PPP2R1A: variants seen among roughly 807,000 people sequenced by gnomAD.
The protein encoded by PPP2R1A is protein phosphatase 2 scaffold subunit Aalpha.
PPP2R1A carries 15 observed loss-of-function variants against 67.1 expected under a neutral mutation model. That is an observed-to-expected ratio of 0.22 (90% CI 0.15 to 0.34). PPP2R1A has a LOEUF of 0.34. PPP2R1A is among the 10% of genes least tolerant of loss of function. The probability of loss-of-function intolerance (pLI) is 1.00; values close to 1 mark genes in which losing one functional copy is unlikely to be tolerated. For missense variants in PPP2R1A, 369 were observed against 775.0 expected, an observed-to-expected ratio of 0.48 and a Z score of 6.22; for synonymous variants, 337 against 325.0, an observed-to-expected ratio of 1.04 and a Z score of -0.40.
chr19:52,204,658 A>G (rs577383811), intron 2 of PPP2R1A, among the ~76,000 whole-genome samples: 4 of 152,316 alleles, frequency 2.6e-5, no homozygotes, highest in African/African-American at 9.6e-5. Context: ...CAGGAGACAA[A>G]GAAAACAGGG....
chr19:52,222,003 C>T, intron 12 of PPP2R1A, 96 bp from the exon 13 acceptor site: 2 of 1,294,226 alleles, frequency 1.5e-6, no homozygotes, highest in Admixed American at 2.4e-5. Flanking sequence ...CTCTGTGGGG[C>T]CTGATGATCA....
In PPP2R1A at chr19:52,212,645, A is replaced by G. The variant is rs373544187; in HGVS notation, c.504-41A>G. On this transcript the variant is annotated intron_variant, in intron 4 of 14. Coordinates refer to ENST00000322088, the MANE Select transcript of PPP2R1A (RefSeq NM_014225.6). This position sits in a 1 kb window ranked among gnomAD's most constrained non-coding sequence, Gnocchi z 4.1. ...GAGTCTGTGCTTGCTCCTCTCTGCC[A>G]TACTGCCTGCTGCCTCAGGATCCCC... The G allele has an allele frequency of 1.4e-5, 23 of 1,603,612 alleles. No individual in the cohort carries two copies. The African/African-American group carries it at 2.5e-4, about 18-fold the overall frequency.
rs994018938 is a variant in PPP2R1A, at chr19:52,190,235, C to G, written c.78+61C>G. The stretch of plus-strand genomic sequence containing the variant: ...AGGGGTACCTGGGGGCACGGGCGGC[C>G]CTCGCGGAGAAGACTCAGCGTTCGC... On this transcript the variant is annotated intron_variant, in intron 1 of 14. Coordinates refer to ENST00000322088, the MANE Select transcript of PPP2R1A (RefSeq NM_014225.6). 5 of 1,521,628 alleles carry G rather than the reference C, an allele frequency of 3.3e-6. No homozygotes were observed. In the African/African-American group the frequency reaches 7.0e-5, roughly 21 times the overall value. The allele number at this position is 1,521,628 out of a possible 1,614,324, so 94.3% of individuals were successfully genotyped here.
chr19:52,209,266 T>A (rs1456468974), intron 3 of PPP2R1A, among the ~76,000 whole-genome samples: 1 of 150,544 alleles, frequency 6.6e-6, no homozygotes, highest in Non-Finnish European at 1.5e-5. Flanking sequence ...GTACCTTCTC[T>A]GTGCCAGCCC....
At chr19:52,200,794 A>C (rs1232030126) in intron 1 of PPP2R1A, among the ~76,000 whole-genome samples, 2 of 149,522 alleles carry the variant, frequency 1.3e-5, no homozygotes, top group Non-Finnish European at 3.0e-5. Flanking sequence ...ACCCATCTTC[A>C]CATGCGTGCC....
Position 52,219,919 on chromosome 19 carries a change from G to T in PPP2R1A, c.1302+55G>T. 6.4e-7 allele frequency: 1 copy of T among 1,550,924 alleles called. No homozygotes were observed. Among genetic ancestry groups the T allele is most frequent in the Non-Finnish European group, 8.7e-7 (1 of 1,148,870 alleles). On this transcript the variant is annotated intron_variant, in intron 10 of 14. Coordinates refer to ENST00000322088, the MANE Select transcript of PPP2R1A (RefSeq NM_014225.6). The surrounding 1 kb of genome is among the most constrained non-coding windows in gnomAD (Gnocchi z 4.0). ...TGCTGCCTCAGGGGAGGTGCAGTAT[G>T]TCCAGGGCTGTGATGGGGAAACGGG...
At position 52,190,068 on chromosome 19, in the gene PPP2R1A, C is replaced by G. The variant is rs750734856; in HGVS notation, c.-29C>G. 37 of 1,526,326 alleles carry G rather than the reference C, an allele frequency of 2.4e-5. 2 individuals are homozygous for G. In the South Asian group the frequency reaches 4.0e-4, roughly 16 times the overall value. The allele number at this position is 1,526,326 out of a possible 1,614,324, so 94.5% of individuals were successfully genotyped here. On this transcript the variant is annotated 5_prime_UTR_variant, in exon 1 of 15. Transcript: ENST00000322088. Reference sequence around the variant, plus strand: ...CCACGTTTCAGCACAGCGCTGGCCGCAGTCTGACAGGAAAGGGACGGAGCC... The same window carrying G: ...CCACGTTTCAGCACAGCGCTGGCCGGAGTCTGACAGGAAAGGGACGGAGCC...
rs2122337155 is a variant in PPP2R1A, at chr19:52,212,935, T to C, written c.652-20T>C. 1 of 1,575,548 alleles carries C rather than the reference T, an allele frequency of 6.3e-7. No homozygotes were observed. The highest frequency in any genetic ancestry group is 1.7e-4 in the Middle Eastern group (1 of 5,844). ...AGCAAGGCCTCTGCTGCCCTCCCACTGTTCCTCTCCTCTCCCTAGGACTCG... is the reference window on the plus strand; with the variant it reads ...AGCAAGGCCTCTGCTGCCCTCCCACCGTTCCTCTCCTCTCCCTAGGACTCG... On this transcript the variant is annotated intron_variant, in intron 5 of 14. Coordinates refer to ENST00000322088, the MANE Select transcript of PPP2R1A (RefSeq NM_014225.6). The surrounding 1 kb of genome is among the most constrained non-coding windows in gnomAD (Gnocchi z 4.1).
At chr19:52,205,078 A>G (rs1282966076) in intron 2 of PPP2R1A, among the ~76,000 whole-genome samples, 2 of 152,244 alleles carry the variant, frequency 1.3e-5, no homozygotes, top group Non-Finnish European at 2.9e-5. Flanking sequence ...TGGCCAGAGC[A>G]AGGTTACGTG....
intron 9 of PPP2R1A, among the ~76,000 whole-genome samples, chr19:52,218,703 C>T (rs1450120627): frequency 2.6e-5 from 4 of 152,156 alleles, no homozygotes; most frequent in Non-Finnish European, 5.9e-5. Context: ...TCATTTCACA[C>T]CTCTCCAGCG....
rs73575038 is a variant in PPP2R1A at position 52,210,252 on chromosome 19, G to A, written c.271-1008G>A. ...TGTGCTAAGAGTGCTGCTGGGCTCT[G>A]GGGATACAGTGGAGAGCCAGTCGTA... On this transcript the variant is annotated intron_variant, in intron 3 of 14. Coordinates refer to ENST00000322088, the MANE Select transcript of PPP2R1A (RefSeq NM_014225.6). Among the ~76,000 whole-genome samples the A allele has an allele frequency of 9.7e-3, 1,481 of 152,238 alleles. 26 individuals are homozygous for A. Among genetic ancestry groups the A allele is most frequent in the African/African-American group, 0.034 (1,414 of 41,516 alleles).
chr19:52,215,403 A>T (rs559038324), intron 6 of PPP2R1A, among the ~76,000 whole-genome samples: 32 of 152,340 alleles, frequency 2.1e-4, no homozygotes, highest in African/African-American at 7.7e-4. Flanking sequence ...TTCTGGTAAC[A>T]GATCTTTAAG....
At chr19:52,220,408 A>G (rs1978845432) in intron 11 of PPP2R1A, among the ~76,000 whole-genome samples, 159 bp downstream of exon 11, 1 of 151,898 alleles carries the variant, frequency 6.6e-6, no homozygotes, top group Non-Finnish European at 1.5e-5. Flanking sequence ...AGTCCTAGAG[A>G]AGTGTTGAGT....
rs199558260 is a variant in PPP2R1A, at chr19:52,213,120, C to T, written c.807+10C>T. Reference sequence around the variant, plus strand: ...TGACAAGTTCACAGAGGTAGATGAGCGACCGTTGACATTGTCCCACTGGTG... The same window carrying T: ...TGACAAGTTCACAGAGGTAGATGAGTGACCGTTGACATTGTCCCACTGGTG... On this transcript the variant is annotated intron_variant, in intron 6 of 14. Coordinates refer to ENST00000322088, the MANE Select transcript of PPP2R1A (RefSeq NM_014225.6). The surrounding 1 kb of genome is among the most constrained non-coding windows in gnomAD (Gnocchi z 4.2). 8.9e-5 allele frequency: 137 copies of T among 1,543,650 alleles called. No homozygotes were observed. The highest frequency in any genetic ancestry group is 1.1e-4 in the Non-Finnish European group (130 of 1,150,814).
At position 52,225,945 on chromosome 19, in the gene PPP2R1A, G is replaced by A; in HGVS notation, c.1754-20G>A. On this transcript the variant is annotated intron_variant, in intron 14 of 14. Transcript: ENST00000322088. Reference sequence around the variant, plus strand: ...AGAGAGGGCTCTGGTTCTGATTCTTGCCTGTTCCTGTTTTCCTAGTTCTGT... The same window carrying A: ...AGAGAGGGCTCTGGTTCTGATTCTTACCTGTTCCTGTTTTCCTAGTTCTGT... The A allele has an allele frequency of 6.2e-7, 1 of 1,614,198 alleles. No individual in the cohort carries two copies. The highest frequency in any genetic ancestry group is 1.1e-5 in the South Asian group (1 of 91,084).
chr19:52,201,941 T>G lies in PPP2R1A; in HGVS notation c.79-3T>G. Reference sequence around the variant, plus strand: ...TCCCCTCCTCTTCTTGTTCTCTCATTAGCTTCGCCTCAACAGCATCAAGAA... The same window carrying G: ...TCCCCTCCTCTTCTTGTTCTCTCATGAGCTTCGCCTCAACAGCATCAAGAA... On this transcript the variant is annotated splice_polypyrimidine_tract_variant and splice_region_variant and intron_variant, in intron 1 of 14. Coordinates refer to ENST00000322088, the MANE Select transcript of PPP2R1A (RefSeq NM_014225.6). 1 of 1,613,844 alleles carries G rather than the reference T, an allele frequency of 6.2e-7. No individual in the cohort carries two copies.
At chr19:52,192,137 C>G (rs1034779338) in intron 1 of PPP2R1A, among the ~76,000 whole-genome samples, 1 of 151,884 alleles carries the variant, frequency 6.6e-6, no homozygotes, top group African/African-American at 2.4e-5. Context: ...TTTGAGAACA[C>G]GCCTGAAAGC....
chr19:52,222,516 G>A, intron 13 of PPP2R1A: 1 of 316,012 alleles, frequency 3.2e-6, no homozygotes, highest in Non-Finnish European at 5.8e-6. Flanking sequence ...ATGTAAGTAT[G>A]TGTATAATTT....
intron 3 of PPP2R1A, among the ~76,000 whole-genome samples, chr19:52,208,182 T>TC (rs1330538806): frequency 6.6e-6 from 1 of 152,152 alleles, no homozygotes; most frequent in African/African-American, 2.4e-5. Flanking sequence ...TTTGTTTTTT[T>TC]CCCGAGATGG....
Sources: allele counts gnomAD v4.1 joint callset (sites outside exome capture counted in the v4.1 genomes callset), GRCh38; gene constraint gnomAD v4.1.1; non-coding constraint Gnocchi (gnomAD v3.1); transcripts MANE v1.5; gene names NCBI Gene and HGNC (gene_info 2026-07-23, HGNC 2026-07-21).